Variants in FMO5 observed in about 807,000 individuals in gnomAD.
The protein encoded by FMO5 is flavin containing dimethylaniline monoxygenase 5, also known as flavin-containing monooxygenase 5.
In FMO5, 51 loss-of-function variants were observed where a neutral mutation model predicts 43.6. The ratio of observed to expected loss-of-function variants is 1.17; its 90% CI spans 0.93 to 1.48. The LOEUF is 1.48. Among genes scored for constraint, FMO5 ranks in the 40% most tolerant of loss-of-function variants. FMO5 has a pLI of 0.00. For missense variants in FMO5, 644 were observed against 643.0 expected (o/e 1.00, Z -0.02); for synonymous variants, 187 against 216.5 (o/e 0.86, Z 1.20).
At chr1:147,184,719 C>T, downstream of FMO5, 1 of 1,326,264 alleles carries the variant, frequency 7.5e-7, no homozygotes. This position sits in a 1 kb window ranked among gnomAD's most constrained non-coding sequence, Gnocchi z 4.4. Flanking sequence ...ATCAGTGTGA[C>T]TTATTACTGT....
chr1:147,212,514 T>C lies in FMO5; in HGVS notation c.509A>G (p.Gln170Arg), dbSNP rs1347971901. 1 of 1,613,688 alleles carries C rather than the reference T, an allele frequency of 6.2e-7. No individual in the cohort carries two copies. The highest frequency in any genetic ancestry group is 1.7e-5 in the Admixed American group (1 of 60,008). The change falls in exon 5 of 9, where the codon CAG becomes CGG. Residue 170 changes from glutamine to arginine, a missense_variant. Coordinates refer to ENST00000254090, the MANE Select transcript of FMO5 (RefSeq NM_001461.4). ...CTTATAGTCTCGACTGTGGAAGTAC[T>C]GCCCTTTGAACTTCTCAATTCCTGC... ...SFPGIEKFKG[Q>R]YFHSRDYKNP...
At chr1:147,204,440 G>A (rs112487310) in intron 6 of FMO5, 508 of 1,252,476 alleles carry the variant, frequency 4.1e-4, no homozygotes, top group Non-Finnish European at 5.5e-4. Flanking sequence ...ACAGAGGTAC[G>A]AAGTAGAGAT....
chr1:147,204,100 T>G, intron 6 of FMO5: 1 of 1,061,752 alleles, frequency 9.4e-7, no homozygotes, highest in Admixed American at 1.7e-5. Context: ...CTTTGACTTA[T>G]GCATCCATGA....
Position 147,212,326 on chromosome 1 carries a change from C to G in FMO5, c.630+67G>C, listed in dbSNP as rs587632581. The G allele has an allele frequency of 1.2e-5, 18 of 1,547,784 alleles. No homozygotes were observed. The African/African-American group carries it at 2.3e-4, about 20-fold the overall frequency. On this transcript the variant is annotated intron_variant, in intron 5 of 8. Coordinates refer to ENST00000254090, the MANE Select transcript of FMO5 (RefSeq NM_001461.4). ...TATCCCTATTCTCTGTTGGGTCCACCTGCAGCTTCCTTGGAGAAACTGAAG... is the reference window on the plus strand; with the variant it reads ...TATCCCTATTCTCTGTTGGGTCCACGTGCAGCTTCCTTGGAGAAACTGAAG...
At position 147,224,894 on chromosome 1, in the gene FMO5, C is replaced by G. The variant is rs1663756765; in HGVS notation, c.135+1G>C. On this transcript the variant is annotated splice_donor_variant, in intron 2 of 8. Transcript: ENST00000254090. LOFTEE classifies it high-confidence loss of function. ...ATTAAGGGACTAGGAGATGTATGTACCTGGAACCTCCAGAGCCCTCCGATG... is the reference window on the plus strand; with the variant it reads ...ATTAAGGGACTAGGAGATGTATGTAGCTGGAACCTCCAGAGCCCTCCGATG... The G allele has an allele frequency of 9.3e-6, 15 of 1,613,974 alleles. No homozygotes were observed. The highest frequency in any genetic ancestry group is 1.3e-5 in the Non-Finnish European group (15 of 1,179,920).
rs138739313 is a variant in FMO5, at chr1:147,215,939, T to C, written c.139A>G (p.Asn47Asp). ...ATACTGGCCCTTCCTTCTTCAGGAT[T>C]TTCCTGCAATAAATAGAAAGTATTC... Reference protein sequence around the residue: ...DIGGLWRFQENPEEGRASIYK... With the variant: ...DIGGLWRFQEDPEEGRASIYK... The change falls in exon 3 of 9, where the codon AAT (asparagine) becomes GAT (aspartate). Residue 47 changes from asparagine (N) to aspartate (D), a missense_variant. Physicochemically the swap from Asn to Asp is conservative, Grantham distance 23 (BLOSUM62 1). Coordinates refer to ENST00000254090, the MANE Select transcript of FMO5 (RefSeq NM_001461.4). The C allele has an allele frequency of 2.1e-4, 333 of 1,603,108 alleles. 2 individuals carry two copies. In the African/African-American group the frequency reaches 3.8e-3, roughly 18 times the overall value.
Position 147,187,207 on chromosome 1 carries a change from T to C in FMO5, c.1295A>G (p.Tyr432Cys), listed in dbSNP as rs1553917352. Reference sequence around the variant, plus strand: ...AGCAAGCTCTTCCATGGTATCTATGTAGTCTCCCTGAATGGTATGGCGTTG... The same window carrying C: ...AGCAAGCTCTTCCATGGTATCTATGCAGTCTCCCTGAATGGTATGGCGTTG... ...ESQRHTIQGD[Y>C]IDTMEELADL... Residue 432 changes from tyrosine to cysteine, a missense_variant, in exon 9 of 9, where the codon TAC (tyrosine) becomes TGC (cysteine). Transcript: ENST00000254090. 4.3e-6 allele frequency: 7 copies of C among 1,613,890 alleles called. No individual in the cohort carries two copies. The Middle Eastern group carries it at 5.0e-4, about 114-fold the overall frequency.
intron 2 of FMO5, among the ~76,000 whole-genome samples, chr1:147,218,036 A>C (rs1553925378): frequency 1.3e-5 from 2 of 152,248 alleles, no homozygotes; most frequent in Non-Finnish European, 2.9e-5. Flanking sequence ...GAAAACTAAT[A>C]AAATACATCA....
intron 2 of FMO5, among the ~76,000 whole-genome samples, chr1:147,217,508 C>T (rs1036715642): frequency 1.3e-5 from 2 of 152,214 alleles, no homozygotes; most frequent in Admixed American, 1.3e-4. Flanking sequence ...TAAATAGCCA[C>T]AAAGGAGAGT....
Position 147,225,134 on chromosome 1 carries a change from G to A in FMO5, c.-37-68C>T, listed in dbSNP as rs1158910362. The A allele has an allele frequency of 4.4e-6, 7 of 1,575,922 alleles. No individual in the cohort carries two copies. In the East Asian group the frequency reaches 6.7e-5, roughly 15 times the overall value. On this transcript the variant is annotated intron_variant, in intron 1 of 8. Coordinates refer to ENST00000254090, the MANE Select transcript of FMO5 (RefSeq NM_001461.4). ...ACATTTTTCAAGGAAGACCTTGGCCGTGGCATTCGAATAAATTCTGTACAA... is the reference window on the plus strand; with the variant it reads ...ACATTTTTCAAGGAAGACCTTGGCCATGGCATTCGAATAAATTCTGTACAA...
At chr1:147,215,613 G>T in intron 3 of FMO5, 141 bp downstream of exon 3, 1 of 601,004 alleles carries the variant, frequency 1.7e-6, no homozygotes, top group Non-Finnish European at 2.9e-6. Context: ...GGAGGACAAA[G>T]AATGGAGTTT....
At chr1:147,184,676 CCTT>C, downstream of FMO5, 2 of 1,448,752 alleles carry the variant, frequency 1.4e-6, no homozygotes, top group South Asian at 1.6e-5. The surrounding 1 kb of genome is among the most constrained non-coding windows in gnomAD (Gnocchi z 4.4). Context: ...GGTAAAGTGG[CCTT>C]CTCATCACTT....
intron 6 of FMO5, 111 bp downstream of exon 6, chr1:147,208,741 T>G: frequency 1.2e-6 from 1 of 854,148 alleles, no homozygotes; most frequent in Non-Finnish European, 1.9e-6. Context: ...GCCCAGCCAC[T>G]GTGGGTTTTC....
chr1:147,212,651 C>T (rs1366259591), intron 4 of FMO5, 116 bp from the exon 5 acceptor site: 3 of 931,488 alleles, frequency 3.2e-6, no homozygotes, highest in Admixed American at 4.8e-5. Context: ...CAAGTGTTCT[C>T]TTTACTCAGC....
intron 3 of FMO5, 169 bp downstream of exon 3, chr1:147,215,585 A>G: frequency 1.8e-6 from 1 of 553,204 alleles, no homozygotes; most frequent in Non-Finnish European, 3.2e-6. Flanking sequence ...TGTCCCTTGA[A>G]TATTTTTGAG....
intron 7 of FMO5, among the ~76,000 whole-genome samples, chr1:147,193,118 G>A (rs1657226109): frequency 6.6e-6 from 1 of 152,058 alleles, no homozygotes; most frequent in Admixed American, 6.6e-5. Context: ...GGTAGAATTC[G>A]GCTGTGAATC....
At chr1:147,222,001 T>C (rs185106062) in intron 2 of FMO5, among the ~76,000 whole-genome samples, 558 of 152,318 alleles carry the variant, frequency 3.7e-3, no homozygotes, top group Non-Finnish European at 5.6e-3. Flanking sequence ...ATAAATCTTC[T>C]CTCTACAAAC....
chr1:147,195,922 C>A (rs1657915696), intron 7 of FMO5, among the ~76,000 whole-genome samples: 1 of 152,064 alleles, frequency 6.6e-6, no homozygotes, highest in Non-Finnish European at 1.5e-5. Flanking sequence ...TATTTGACTG[C>A]TCTGGCTGCT....
intron 1 of FMO5, 37 bp from the exon 2 acceptor site, chr1:147,225,103 C>T (rs1663809076): frequency 6.2e-7 from 1 of 1,605,596 alleles, no homozygotes; most frequent in Non-Finnish European, 8.5e-7. Context: ...AAGCACACAT[C>T]GGTTAACATT....
Sources: allele counts gnomAD v4.1 joint callset (sites outside exome capture counted in the v4.1 genomes callset), GRCh38; gene constraint gnomAD v4.1.1; non-coding constraint Gnocchi (gnomAD v3.1); transcripts MANE v1.5; gene names NCBI Gene and HGNC (gene_info 2026-07-23, HGNC 2026-07-21).